ELOVL7: variants seen among roughly 807,000 people sequenced by gnomAD.
ELOVL7 encodes very long chain fatty acid elongase 7.
In ELOVL7, 27 loss-of-function variants were observed where a neutral mutation model predicts 35.7. That is an observed-to-expected ratio of 0.76 (90% confidence interval 0.56 to 1.04). ELOVL7 has a LOEUF of 1.04. Ranked by LOEUF, ELOVL7 falls within the 50% of genes least tolerant of loss-of-function variation. The pLI, the probability that ELOVL7 is intolerant of heterozygous loss-of-function variation, is 0.00. For missense variants in ELOVL7, 327 were observed against 340.8 expected, an observed-to-expected ratio of 0.96 and a Z score of 0.32; for synonymous variants, 113 against 114.6, an observed-to-expected ratio of 0.99 and a Z score of 0.09.
At chr5:60,796,227 G>A (rs555595604) in intron 2 of ELOVL7, among the ~76,000 whole-genome samples, 11 of 152,180 alleles carry the variant, frequency 7.2e-5, no homozygotes, top group African/African-American at 1.4e-4. Flanking sequence ...CCCCACTCTC[G>A]TCCCCATCCT....
chr5:60,763,031 C>T (rs10043291), intron 7 of ELOVL7, among the ~76,000 whole-genome samples: 100,283 of 152,070 alleles, frequency 0.66, 34,889 homozygotes, highest in African/African-American at 0.9. Context: ...GAGATTAATA[C>T]AGTTACTGTT....
At chr5:60,798,438 A>G (rs903595082) in intron 2 of ELOVL7, among the ~76,000 whole-genome samples, 2 of 152,214 alleles carry the variant, frequency 1.3e-5, no homozygotes, top group African/African-American at 4.8e-5. Context: ...TTGATACTAC[A>G]GAAGCTTTTT....
intron 1 of ELOVL7, among the ~76,000 whole-genome samples, chr5:60,804,550 A>T (rs1490328087): frequency 6.6e-6 from 1 of 152,192 alleles, no homozygotes; most frequent in African/African-American, 2.4e-5. Flanking sequence ...AACTGTACAG[A>T]TGATAGTGAC....
At chr5:60,818,387 C>T (rs1039184598) in intron 1 of ELOVL7, among the ~76,000 whole-genome samples, 1 of 150,064 alleles carries the variant, frequency 6.7e-6, no homozygotes, top group Non-Finnish European at 1.5e-5. Context: ...ACCTATGCTG[C>T]TATGGAATAA....
intron 4 of ELOVL7, among the ~76,000 whole-genome samples, chr5:60,770,910 G>C (rs910609650): frequency 1.3e-5 from 2 of 152,122 alleles, no homozygotes; most frequent in African/African-American, 4.8e-5. Context: ...ATGTTGTCCA[G>C]GCTGGTCTCA....
intron 3 of ELOVL7, among the ~76,000 whole-genome samples, chr5:60,786,734 CAGG>C (rs1743611797): frequency 6.6e-6 from 1 of 151,970 alleles, no homozygotes; most frequent in Admixed American, 6.6e-5. Flanking sequence ...ATCACGAGGT[CAGG>C]AGATCAAGAC....
intron 3 of ELOVL7, among the ~76,000 whole-genome samples, chr5:60,779,688 T>C (rs116182418): frequency 0.024 from 3,724 of 152,326 alleles, 114 homozygotes; most frequent in African/African-American, 0.066. Context: ...CCAAGGTCTC[T>C]GACATACTCT....
chr5:60,764,669 G>T (rs1471986662), intron 6 of ELOVL7, among the ~76,000 whole-genome samples: 3 of 152,116 alleles, frequency 2.0e-5, no homozygotes, highest in African/African-American at 7.2e-5. Flanking sequence ...CCTGGATTTT[G>T]AAGTGTATGG....
At position 60,807,992 on chromosome 5, in the gene ELOVL7, C is replaced by CAAAAAAAAA. The variant is rs34086506; in HGVS notation, c.-85-8771_-85-8763dup. ...CCAGCCTGGGCGTGAGACTCCGTCT[C>CAAAAAAAAA]AAAAAAAAAAAAAAAAAAAAAAAAA... On this transcript the variant is annotated intron_variant, in intron 1 of 8. Coordinates refer to ENST00000508821, the MANE Select transcript of ELOVL7 (RefSeq NM_024930.3). Among the ~76,000 whole-genome samples, 182 of 42,456 alleles carry CAAAAAAAAA rather than the reference C, an allele frequency of 4.3e-3. 7 individuals are homozygous for CAAAAAAAAA. Among genetic ancestry groups the CAAAAAAAAA allele is most frequent in the Admixed American group, 5.7e-3 (12 of 2,098 alleles). 27.9% of individuals were successfully genotyped at this position (42,456 alleles called of 152,430 possible).
chr5:60,826,000 G>A (rs1746147776), intron 1 of ELOVL7, among the ~76,000 whole-genome samples: 1 of 152,230 alleles, frequency 6.6e-6, no homozygotes, highest in African/African-American at 2.4e-5. Context: ...GCCCAGCGGT[G>A]GACAGGCAGG....
chr5:60,790,863 A>G (rs533430525), intron 2 of ELOVL7, among the ~76,000 whole-genome samples: 1 of 152,344 alleles, frequency 6.6e-6, no homozygotes, highest in East Asian at 1.9e-4. Flanking sequence ...GAACCATATT[A>G]AATAATATAT....
intron 4 of ELOVL7, among the ~76,000 whole-genome samples, chr5:60,768,308 T>G (rs1420950978): frequency 1.3e-5 from 2 of 152,234 alleles, no homozygotes; most frequent in Non-Finnish European, 2.9e-5. Flanking sequence ...ATCAGTCATT[T>G]CTAGCAATTT....
chr5:60,835,286 T>G (rs760131214), intron 1 of ELOVL7, among the ~76,000 whole-genome samples: 1 of 151,732 alleles, frequency 6.6e-6, no homozygotes, highest in South Asian at 2.1e-4. Context: ...ACCTAGAACT[T>G]AATCTACAAT....
intron 4 of ELOVL7, chr5:60,768,725 T>C (rs1458565730): frequency 2.2e-6 from 1 of 455,542 alleles, no homozygotes; most frequent in Non-Finnish European, 4.4e-6. Context: ...TGATTTTAAC[T>C]TAACACATAT....
intron 7 of ELOVL7, among the ~76,000 whole-genome samples, chr5:60,761,366 T>C (rs1028371775): frequency 1.3e-5 from 2 of 151,854 alleles, no homozygotes; most frequent in South Asian, 2.1e-4. Context: ...AACAGAAAAA[T>C]AGGAAATTAA....
At chr5:60,764,632 G>T (rs1443468388) in intron 6 of ELOVL7, among the ~76,000 whole-genome samples, 1 of 149,702 alleles carries the variant, frequency 6.7e-6, no homozygotes, top group African/African-American at 2.4e-5. Flanking sequence ...ATTATTGAAA[G>T]AAATTGTATT....
At chr5:60,771,864 A>G (rs564944616) in intron 4 of ELOVL7, 39 bp downstream of exon 4, 1 of 1,430,000 alleles carries the variant, frequency 7.0e-7, no homozygotes, top group African/African-American at 1.4e-5. Flanking sequence ...AGAAAAACTC[A>G]GGCAAAATTC....
At chr5:60,819,678 C>T (rs1336720063) in intron 1 of ELOVL7, among the ~76,000 whole-genome samples, 1 of 152,108 alleles carries the variant, frequency 6.6e-6, no homozygotes, top group Non-Finnish European at 1.5e-5. Context: ...CCTGCCTACT[C>T]AGGAGGCTGA....
chr5:60,805,280 A>C (rs1744858631), intron 1 of ELOVL7, among the ~76,000 whole-genome samples: 1 of 152,204 alleles, frequency 6.6e-6, no homozygotes, highest in Non-Finnish European at 1.5e-5. Context: ...CAAAACAAAA[A>C]TCCTGGCTTC....
Sources: allele counts gnomAD v4.1 joint callset (sites outside exome capture counted in the v4.1 genomes callset), GRCh38; gene constraint gnomAD v4.1.1; transcripts MANE v1.5; gene names NCBI Gene and HGNC (gene_info 2026-07-23, HGNC 2026-07-21).